ARHGAP26: variants seen among roughly 807,000 people sequenced by gnomAD.
ARHGAP26 encodes rho GTPase-activating protein 26.
Under a neutral mutation model 104.8 loss-of-function variants are expected in ARHGAP26, and 38 were observed. That is an observed-to-expected ratio of 0.36 (90% CI 0.28 to 0.48). The LOEUF is 0.48. Among genes scored for constraint, ARHGAP26 ranks in the 20% least tolerant of loss-of-function variants. The pLI, the probability that ARHGAP26 is intolerant of heterozygous loss-of-function variation, is 0.99. For synonymous variants in ARHGAP26, 341 were observed against 340.0 expected (o/e 1.00, Z -0.03); for missense variants, 704 against 947.9 (o/e 0.74, Z 3.38).
At chr5:143,014,403 CT>C (rs1433172940) in intron 12 of ARHGAP26, 1 of 463,408 alleles carries the variant, frequency 2.2e-6, no homozygotes, top group Non-Finnish European at 3.9e-6. Flanking sequence ...AATCGTAGGT[CT>C]TAAGACTATA....
intron 1 of ARHGAP26, among the ~76,000 whole-genome samples, chr5:142,817,248 T>A (rs897490731): frequency 6.6e-6 from 1 of 152,140 alleles, no homozygotes. Flanking sequence ...TGGCACTGTA[T>A]TCAGGTGATG....
intron 17 of ARHGAP26, among the ~76,000 whole-genome samples, chr5:143,068,892 A>G (rs1787880350): frequency 6.6e-6 from 1 of 152,164 alleles, no homozygotes; most frequent in African/African-American, 2.4e-5. Flanking sequence ...TGCTGAATCA[A>G]TTTCAGTGTT....
intron 20 of ARHGAP26, among the ~76,000 whole-genome samples, chr5:143,173,723 T>C (rs1803107254): frequency 3.3e-5 from 5 of 152,194 alleles, no homozygotes; most frequent in African/African-American, 1.2e-4. Flanking sequence ...GGAGCTTTTT[T>C]GTCCAAAGAC....
chr5:142,919,363 C>T, intron 10 of ARHGAP26: 1 of 398,636 alleles, frequency 2.5e-6, no homozygotes, highest in Non-Finnish European at 4.4e-6. Flanking sequence ...GCAGATTCTT[C>T]CTCACAGACC....
At chr5:143,094,581 AG>A (rs1266332138) in intron 17 of ARHGAP26, among the ~76,000 whole-genome samples, 6 of 152,252 alleles carry the variant, frequency 3.9e-5, no homozygotes, top group African/African-American at 1.4e-4. Context: ...ATTCTCAGCA[AG>A]GCATGGTACC....
Position 142,913,277 on chromosome 5 carries a change from G to C in ARHGAP26, c.1012G>C (p.Val338Leu). Residue 338 changes from valine (V) to leucine (L), a missense_variant, in exon 10 of 23, where the codon GTG (valine) becomes CTG (leucine). Val to Leu is a conservative substitution (Grantham distance 32). This residue lies in a region of ARHGAP26 where 287 missense variants were observed against 438.8 expected (regional missense o/e 0.65). Transcript: ENST00000645722. ...DSIEKRFCFD[V>L]EAVDRPGVIT... ...CATTGAGAAGAGGTTTTGCTTTGAT[G>C]TGGAAGCAGTAGACAGGTGAGTAGC... is the stretch of plus-strand genomic sequence containing the variant. 1 of 1,614,122 alleles carries C rather than the reference G, an allele frequency of 6.2e-7. No homozygotes were observed. The highest frequency in any genetic ancestry group is 2.2e-5 in the East Asian group (1 of 44,880).
chr5:142,822,739 T>C (rs1261795842), intron 1 of ARHGAP26, among the ~76,000 whole-genome samples: 1 of 152,242 alleles, frequency 6.6e-6, no homozygotes, highest in African/African-American at 2.4e-5. Flanking sequence ...GGTTGGATTG[T>C]GTGTGCTTCT....
intron 18 of ARHGAP26, among the ~76,000 whole-genome samples, chr5:143,132,086 G>A (rs1797422953): frequency 3.3e-5 from 5 of 152,002 alleles, no homozygotes; most frequent in Admixed American, 3.3e-4. Context: ...GCTACGTGTA[G>A]TGATTCAGTT....
chr5:142,989,494 A>G (rs914814190), intron 11 of ARHGAP26, among the ~76,000 whole-genome samples: 1 of 152,192 alleles, frequency 6.6e-6, no homozygotes, highest in Non-Finnish European at 1.5e-5. Context: ...TAATATTGTT[A>G]TGCATGAATT....
intron 20 of ARHGAP26, among the ~76,000 whole-genome samples, chr5:143,200,010 C>T (rs1807455180): frequency 6.6e-6 from 1 of 152,196 alleles, no homozygotes; most frequent in Non-Finnish European, 1.5e-5. Flanking sequence ...CCACACAACC[C>T]TCTTGTCAAA....
In ARHGAP26 at chr5:142,770,862, A is replaced by G. The variant is rs762709010; in HGVS notation, c.101A>G (p.Lys34Arg). ...GAAGCAGAGCTGGACAAGACCAACA[A>G]ATTCATCAAGGAGCTCATCAAGGAC... ...SHEAELDKTN[K>R]FIKELIKDGK... The change falls in exon 1 of 23, where the codon AAA (lysine) becomes AGA (arginine). Residue 34 changes from lysine to arginine, a missense_variant. This residue lies in a region of ARHGAP26 where 77 missense variants were observed against 82.6 expected (regional missense o/e 0.93). Transcript: ENST00000645722. The G allele has an allele frequency of 3.3e-5, 53 of 1,611,460 alleles. No individual in the cohort carries two copies. Among genetic ancestry groups the G allele is most frequent in the East Asian group, 4.5e-5 (2 of 44,504 alleles).
rs1227872319 is a variant in ARHGAP26 at position 142,781,455 on chromosome 5, A to G, written c.154+10540A>G. 7.2e-5 allele frequency among the ~76,000 whole-genome samples: 11 copies of G among 152,090 alleles called. 1 individual carries two copies. Among genetic ancestry groups the G allele is most frequent in the Admixed American group, 7.2e-4 (11 of 15,262 alleles). On this transcript the variant is annotated intron_variant, in intron 1 of 22. Transcript: ENST00000645722. ...ATTGTATTGCCTAAAATAATCCCAT[A>G]TTTCACCAGTGTTATGAGAGTCATT...
At chr5:142,800,636 ACAGG>A (rs1761911064) in intron 1 of ARHGAP26, among the ~76,000 whole-genome samples, 2 of 152,214 alleles carry the variant, frequency 1.3e-5, no homozygotes, top group Non-Finnish European at 2.9e-5. Flanking sequence ...TGCTGGGATT[ACAGG>A]CGTGAGCCAC....
At chr5:143,022,097 T>TC (rs1325450948) in intron 12 of ARHGAP26, among the ~76,000 whole-genome samples, 1 of 151,604 alleles carries the variant, frequency 6.6e-6, no homozygotes, top group Non-Finnish European at 1.5e-5. Context: ...ATTTATTTTT[T>TC]TGAGACCCCT....
intron 17 of ARHGAP26, among the ~76,000 whole-genome samples, chr5:143,097,358 A>G (rs1274159660): frequency 6.8e-5 from 10 of 147,438 alleles, no homozygotes; most frequent in African/African-American, 2.0e-4. Flanking sequence ...TCTCAAAAAA[A>G]AGAAAAAAAA....
At chr5:143,022,517 G>C (rs1780498642) in intron 12 of ARHGAP26, among the ~76,000 whole-genome samples, 1 of 152,226 alleles carries the variant, frequency 6.6e-6, no homozygotes. Flanking sequence ...ATATGGAAAT[G>C]AGCAGGTGTG....
chr5:142,884,745 T>A (rs1757474514), intron 4 of ARHGAP26, among the ~76,000 whole-genome samples: 1 of 152,224 alleles, frequency 6.6e-6, no homozygotes, highest in Non-Finnish European at 1.5e-5. Flanking sequence ...TGTGTGAAGA[T>A]AATATTGTTG....
At chr5:143,077,099 C>T (rs559234251) in intron 17 of ARHGAP26, among the ~76,000 whole-genome samples, 1 of 152,284 alleles carries the variant, frequency 6.6e-6, no homozygotes, top group South Asian at 2.1e-4. Context: ...CATTTTGGAT[C>T]GATGGCTAGA....
chr5:142,870,680 C>T (rs911586262), intron 1 of ARHGAP26, among the ~76,000 whole-genome samples: 20 of 152,210 alleles, frequency 1.3e-4, no homozygotes, highest in African/African-American at 4.6e-4. Context: ...CAGTGTTTCT[C>T]ACTGGATCCT....
Sources: allele counts gnomAD v4.1 joint callset (sites outside exome capture counted in the v4.1 genomes callset), GRCh38; gene constraint gnomAD v4.1.1; regional missense constraint gnomAD v4.1.1; transcripts MANE v1.5; gene names NCBI Gene and HGNC (gene_info 2026-07-23, HGNC 2026-07-21).